The following EXD1 variants were observed in gnomAD, a reference collection of about 807,000 sequenced individuals.
The protein encoded by EXD1 is piRNA biogenesis protein EXD1.
In EXD1, 63 loss-of-function variants were observed where a neutral mutation model predicts 49.1. That is an observed-to-expected ratio of 1.28 (90% CI 1.05 to 1.58). EXD1 has a LOEUF of 1.58. Ranked by LOEUF, EXD1 falls within the 40% of genes most tolerant of loss-of-function variation. The pLI is 0.00. For synonymous variants in EXD1, 234 were observed against 239.2 expected, an observed-to-expected ratio of 0.98 and a Z score of 0.20; for missense variants, 748 against 666.0, an observed-to-expected ratio of 1.12 and a Z score of -1.36.
chr15:41,221,607 T>C (rs534963020), intron 2 of EXD1, among the ~76,000 whole-genome samples: 1 of 152,002 alleles, frequency 6.6e-6, no homozygotes, highest in South Asian at 2.1e-4. Flanking sequence ...TTACAGTGGC[T>C]CCCTGATTTG....
intron 1 of EXD1, among the ~76,000 whole-genome samples, chr15:41,228,973 G>A (rs542396707): frequency 1.3e-5 from 2 of 152,268 alleles, no homozygotes; most frequent in African/African-American, 4.8e-5. Flanking sequence ...TCAAGATTAG[G>A]AAGGAAAAAA....
At position 41,184,472 on chromosome 15, in the gene EXD1, A is replaced by G. The variant is rs372898407; in HGVS notation, c.1178T>C (p.Leu393Pro). Residue 393 changes from leucine to proline, a missense_variant, in exon 12 of 12, where the codon CTA becomes CCA. Transcript: ENST00000458580. ...CTCTGTCACTAATTTCTTTGGCTGTAGCACTGTCCTTATCAGGAGTCCCTG... is the reference window on the plus strand; with the variant it reads ...CTCTGTCACTAATTTCTTTGGCTGTGGCACTGTCCTTATCAGGAGTCCCTG... ...NAQGLLIRTV[L>P]QPKKLVTETA... 168 of 1,614,018 alleles carry G rather than the reference A, an allele frequency of 1.0e-4. No individual in the cohort carries two copies. The highest frequency in any genetic ancestry group is 1.3e-4 in the Non-Finnish European group (159 of 1,180,036).
At position 41,199,795 on chromosome 15, in the gene EXD1, A is replaced by T. The variant is rs564375272; in HGVS notation, c.535-3758T>A. The stretch of plus-strand genomic sequence containing the variant: ...TATATGTCATATATTATATAATGTC[A>T]TATATATTATATATGTCATATATAG... On this transcript the variant is annotated intron_variant, in intron 7 of 11. Coordinates refer to ENST00000458580, the MANE Select transcript of EXD1 (RefSeq NM_001286441.2). Among the ~76,000 whole-genome samples the T allele has an allele frequency of 4.6e-4, 43 of 93,252 alleles. No individual in the cohort carries two copies. The Admixed American group carries it at 5.9e-3, about 13-fold the overall frequency. 61.2% of individuals were successfully genotyped at this position (93,252 alleles called of 152,430 possible). A position where few individuals can be genotyped will look rare whatever the true frequency, so the allele number is the denominator to read the frequency against.
chr15:41,230,604 GA>G lies in EXD1; in HGVS notation c.-180del. On this transcript the variant is annotated 5_prime_UTR_variant, in exon 1 of 12. Transcript: ENST00000458580. ...GAACTTCAGTCTAGAACTAAAAGAA[GA>G]GGGGCTGCAATGAAGGAAGAAGTCT... 1 of 1,571,308 alleles carries G rather than the reference GA, an allele frequency of 6.4e-7. No individual in the cohort carries two copies.
intron 7 of EXD1, among the ~76,000 whole-genome samples, chr15:41,197,585 A>G (rs1353748999): frequency 6.6e-6 from 1 of 151,996 alleles, no homozygotes. Context: ...TAAGTAAAAA[A>G]AGTAAGACAC....
rs1047125107 is a variant in EXD1, at chr15:41,183,856, C to A, written c.*75G>T. 53 of 1,420,208 alleles carry A rather than the reference C, an allele frequency of 3.7e-5. No homozygotes were observed. The South Asian group carries it at 6.0e-4, about 16-fold the overall frequency. 88.0% of individuals were successfully genotyped at this position (1,420,208 alleles called of 1,614,324 possible). The stretch of plus-strand genomic sequence containing the variant: ...ATTACTACATTTACAACATGAGAAA[C>A]CTGGGCACTGTGGAAAGCCCTGATG... On this transcript the variant is annotated 3_prime_UTR_variant, in exon 12 of 12. Coordinates refer to ENST00000458580, the MANE Select transcript of EXD1 (RefSeq NM_001286441.2).
chr15:41,202,031 A>G (rs1316202688), intron 7 of EXD1, among the ~76,000 whole-genome samples: 1 of 151,842 alleles, frequency 6.6e-6, no homozygotes, highest in Non-Finnish European at 1.5e-5. Flanking sequence ...AAACATCCAA[A>G]TGGGTCTAGA....
At chr15:41,224,745 T>C (rs1411674542) in intron 2 of EXD1, among the ~76,000 whole-genome samples, 1 of 151,984 alleles carries the variant, frequency 6.6e-6, no homozygotes, top group Non-Finnish European at 1.5e-5. Flanking sequence ...ACTTAAGCCC[T>C]GGAATTTAAG....
rs116279649 is a variant in EXD1, at chr15:41,185,088, A to G, written c.1057-495T>C. 3.5e-3 allele frequency among the ~76,000 whole-genome samples: 532 copies of G among 152,310 alleles called. 5 individuals carry two copies. The highest frequency in any genetic ancestry group is 0.012 in the African/African-American group (506 of 41,568). The stretch of plus-strand genomic sequence containing the variant: ...AGTAATTTCAATATTTTGAAAAGGC[A>G]GTGAATCCATAGGGCTGTGTGTCTC... On this transcript the variant is annotated intron_variant, in intron 11 of 11. Coordinates refer to ENST00000458580, the MANE Select transcript of EXD1 (RefSeq NM_001286441.2).
At chr15:41,192,594 ATTTTTTTTTTTTTTTTTTTTTTTT>A (rs59054803) in intron 9 of EXD1, among the ~76,000 whole-genome samples, 2 of 40,836 alleles carry the variant, frequency 4.9e-5, no homozygotes, top group African/African-American at 7.4e-5. Context: ...TGCGCCAGGC[ATTTTTTTTTTTTTTTTTTTTTTTT>A]TTTTTTTTTT....
chr15:41,204,808 C>T (rs2046797634), intron 7 of EXD1, among the ~76,000 whole-genome samples: 1 of 152,048 alleles, frequency 6.6e-6, no homozygotes, highest in African/African-American at 2.4e-5. Flanking sequence ...ATAAAACTTT[C>T]CCTCTGCCTC....
chr15:41,209,430 G>A (rs2046885793), intron 7 of EXD1, 71 bp downstream of exon 7: 1 of 1,376,196 alleles, frequency 7.3e-7, no homozygotes, highest in Non-Finnish European at 1.0e-6. Context: ...TTTTCAAAAA[G>A]AAGGAAAGAA....
intron 7 of EXD1, among the ~76,000 whole-genome samples, chr15:41,200,615 A>G (rs923554629): frequency 3.9e-5 from 6 of 152,186 alleles, no homozygotes; most frequent in Non-Finnish European, 8.8e-5. Context: ...GAACCAGAAA[A>G]GGGAGGTCAT....
chr15:41,211,564 T>C (rs2046921450), intron 6 of EXD1, among the ~76,000 whole-genome samples: 1 of 152,120 alleles, frequency 6.6e-6, no homozygotes, highest in African/African-American at 2.4e-5. Flanking sequence ...GGCTCATGCC[T>C]GTATTCCTAG....
At chr15:41,206,002 C>G (rs897395293) in intron 7 of EXD1, among the ~76,000 whole-genome samples, 2 of 151,180 alleles carry the variant, frequency 1.3e-5, no homozygotes, top group Non-Finnish European at 2.9e-5. Flanking sequence ...GCCTCAGCCT[C>G]CCATAAATTC....
At chr15:41,199,417 G>T (rs2046671057) in intron 7 of EXD1, among the ~76,000 whole-genome samples, 1 of 147,616 alleles carries the variant, frequency 6.8e-6, no homozygotes, top group Non-Finnish European at 1.5e-5. Flanking sequence ...ATTTTTAAGA[G>T]TCTTTCAAAA....
intron 7 of EXD1, among the ~76,000 whole-genome samples, chr15:41,196,835 A>AT (rs911383067): frequency 1.3e-5 from 2 of 150,620 alleles, no homozygotes; most frequent in African/African-American, 4.9e-5. Flanking sequence ...CCAAAACTTT[A>AT]TTTTTTTTGA....
At chr15:41,196,062 A>G in intron 7 of EXD1, 25 bp from the exon 8 acceptor site, 1 of 1,541,912 alleles carries the variant, frequency 6.5e-7, no homozygotes, top group Non-Finnish European at 8.8e-7. Flanking sequence ...CCAGACACAC[A>G]TACCATAGGA....
chr15:41,227,569 C>G (rs1465754907), intron 1 of EXD1, among the ~76,000 whole-genome samples: 1 of 151,218 alleles, frequency 6.6e-6, no homozygotes, highest in Non-Finnish European at 1.5e-5. Context: ...TTCAGGAAGG[C>G]TGAGGCAGGA....
Sources: gnomAD v4.1 joint callset for allele counts (sites outside exome capture counted in the v4.1 genomes callset) on GRCh38, gnomAD v4.1.1 for gene constraint, MANE v1.5 for transcripts, NCBI Gene and HGNC (gene_info 2026-07-23, HGNC 2026-07-21) for gene names.